Variants in RARA observed in about 807,000 individuals in gnomAD.
The protein encoded by RARA is PML-DDX5-RARA fusion.
RARA carries 5 observed loss-of-function variants against 42.8 expected under a neutral mutation model. The ratio of observed to expected loss-of-function variants is 0.12; its 90% CI spans 0.06 to 0.25. The LOEUF (loss-of-function observed/expected upper bound fraction) is 0.25, where lower values mean the gene tolerates loss of function less well. Ranked by LOEUF, RARA falls within the 10% of genes least tolerant of loss-of-function variation. The pLI is 1.00. For synonymous variants in RARA, 256 were observed against 259.5 expected (o/e 0.99, Z 0.13); for missense variants, 402 against 628.7 (o/e 0.64, Z 3.86).
At chr17:40,342,116 G>A (rs1170334285) in intron 2 of RARA, 2 of 1,050,172 alleles carry the variant, frequency 1.9e-6, no homozygotes, top group African/African-American at 3.3e-5. Flanking sequence ...GAAAGGGGGT[G>A]GTGCCCGGAG....
intron 3 of RARA, 130 bp downstream of exon 3, chr17:40,348,594 G>T: frequency 8.0e-7 from 1 of 1,249,904 alleles, no homozygotes; most frequent in Non-Finnish European, 1.1e-6. Flanking sequence ...GTGGAAGTTG[G>T]CAGCAAGCAG....
intron 1 of RARA, among the ~76,000 whole-genome samples, chr17:40,316,748 T>C (rs955987256): frequency 3.8e-5 from 5 of 132,040 alleles, no homozygotes; most frequent in African/African-American, 1.1e-4. Flanking sequence ...CGTCCACATC[T>C]GGGAGCCATT....
intron 1 of RARA, among the ~76,000 whole-genome samples, chr17:40,319,823 C>T (rs1412062665): frequency 4.5e-5 from 6 of 132,322 alleles, no homozygotes; most frequent in Admixed American, 2.2e-4. Context: ...TGGAGGGGGC[C>T]GGGGGGGGCG....
At chr17:40,319,828 G>T (rs2033325301) in intron 1 of RARA, among the ~76,000 whole-genome samples, 1 of 152,208 alleles carries the variant, frequency 6.6e-6, no homozygotes, top group South Asian at 2.1e-4. Context: ...GGGGCCGGGG[G>T]GGGCGGGTAG....
chr17:40,346,483 A>C (rs374785841), intron 2 of RARA, among the ~76,000 whole-genome samples: 1 of 146,044 alleles, frequency 6.8e-6, no homozygotes, highest in Non-Finnish European at 1.5e-5. Flanking sequence ...GGTCCCCCCA[A>C]CCCTCCACAT....
chr17:40,321,283 G>A (rs1207306353), intron 1 of RARA, among the ~76,000 whole-genome samples: 1 of 152,042 alleles, frequency 6.6e-6, no homozygotes, highest in Non-Finnish European at 1.5e-5. Context: ...GGTGTCTCGG[G>A]TGTGGGTGTC....
chr17:40,352,326 C>T lies in RARA; in HGVS notation c.631-5C>T. 6.3e-7 allele frequency: 1 copy of T among 1,595,012 alleles called. No homozygotes were observed. The highest frequency in any genetic ancestry group is 1.7e-4 in the Middle Eastern group (1 of 5,970). ...AGAAGGCCCTCACTCTCCCTCCTCC[C>T]CCAGAACAACAGCTCAGAACAACGT... On this transcript the variant is annotated splice_polypyrimidine_tract_variant and splice_region_variant and intron_variant, in intron 5 of 8. Transcript: ENST00000254066. The surrounding 1 kb of genome is among the most constrained non-coding windows in gnomAD (Gnocchi z 4.9).
intron 2 of RARA, chr17:40,342,987 T>TA: frequency 6.8e-7 from 1 of 1,468,902 alleles, no homozygotes; most frequent in Non-Finnish European, 9.0e-7. Flanking sequence ...ACCTTTCACT[T>TA]AACCCGTGTT....
chr17:40,328,653 A>T (rs943910185), intron 1 of RARA, among the ~76,000 whole-genome samples: 2 of 152,188 alleles, frequency 1.3e-5, no homozygotes, highest in Non-Finnish European at 2.9e-5. Flanking sequence ...AAATGTGCCT[A>T]TCCTGGATAT....
At position 40,350,204 on chromosome 17, in the gene RARA, G is replaced by A. The variant is rs547579242; in HGVS notation, c.469+279G>A. ...TGGCTGTGTGTGCTTGCGTATGTGT[G>A]TGTGTGTGCATGCTCCAGGATGGCT... is the stretch of plus-strand genomic sequence containing the variant. On this transcript the variant is annotated intron_variant, in intron 4 of 8. Coordinates refer to ENST00000254066, the MANE Select transcript of RARA (RefSeq NM_000964.4). The A allele has an allele frequency of 8.2e-5, 37 of 452,524 alleles. No homozygotes were observed. The South Asian group carries it at 8.4e-4, about 10-fold the overall frequency. 28.0% of individuals were successfully genotyped at this position (452,524 alleles called of 1,614,324 possible).
In RARA at chr17:40,345,684, G is replaced by A. The variant is rs2034242978; in HGVS notation, c.179-2632G>A. On this transcript the variant is annotated intron_variant, in intron 2 of 8. Coordinates refer to ENST00000254066, the MANE Select transcript of RARA (RefSeq NM_000964.4). This position sits in a 1 kb window ranked among gnomAD's most constrained non-coding sequence, Gnocchi z 4.8. Reference sequence around the variant, plus strand: ...TCTAGCCCGAGTCCTTCTGCAGGAAGAGGAGAGATTGGTGGGCTGGGCCTC... The same window carrying A: ...TCTAGCCCGAGTCCTTCTGCAGGAAAAGGAGAGATTGGTGGGCTGGGCCTC... 6.6e-6 allele frequency among the ~76,000 whole-genome samples: 1 copy of A among 152,260 alleles called. No homozygotes were observed. Among genetic ancestry groups the A allele is most frequent in the Non-Finnish European group, 1.5e-5 (1 of 68,050 alleles).
intron 1 of RARA, among the ~76,000 whole-genome samples, chr17:40,318,647 C>T (rs920135998): frequency 1.3e-5 from 2 of 152,252 alleles, no homozygotes; most frequent in African/African-American, 2.4e-5. Flanking sequence ...CTGCCTGCGC[C>T]GTGTCTTCGC....
intron 2 of RARA, chr17:40,341,246 A>T: frequency 2.6e-6 from 3 of 1,138,766 alleles, no homozygotes; most frequent in Non-Finnish European, 3.5e-6. Flanking sequence ...AGGGGCCGGT[A>T]CTGGTTCCCC....
chr17:40,329,398 C>T (rs1225831273), intron 1 of RARA, among the ~76,000 whole-genome samples: 1 of 152,120 alleles, frequency 6.6e-6, no homozygotes, highest in Non-Finnish European at 1.5e-5. Flanking sequence ...CCTCCACCTC[C>T]CTGGTTCAAG....
In RARA at chr17:40,351,020, G is replaced by T. The variant is rs1461287034; in HGVS notation, c.470-890G>T. On this transcript the variant is annotated intron_variant, in intron 4 of 8. Transcript: ENST00000254066. This position sits in a 1 kb window ranked among gnomAD's most constrained non-coding sequence, Gnocchi z 4.1. ...ACCGCCAACTCCCCCTCTCCCGGCT[G>T]CTCTGTGCCCCGGAGCTGAGCAGCT... Among the ~76,000 whole-genome samples, 1 of 151,510 alleles carries T rather than the reference G, an allele frequency of 6.6e-6. No homozygotes were observed. Among genetic ancestry groups the T allele is most frequent in the African/African-American group, 2.4e-5 (1 of 41,178 alleles).
intron 2 of RARA, chr17:40,342,452 TC>T: frequency 8.3e-7 from 1 of 1,211,062 alleles, no homozygotes; most frequent in Non-Finnish European, 1.0e-6. Context: ...CCGCCAGGCT[TC>T]CCTGGGAGAG....
chr17:40,322,777 G>A (rs1270438577), intron 1 of RARA, among the ~76,000 whole-genome samples: 1 of 152,072 alleles, frequency 6.6e-6, no homozygotes, highest in Non-Finnish European at 1.5e-5. Context: ...GGAGAGCCCT[G>A]TCAGTCCTGT....
chr17:40,313,153 G>A (rs1006701242), intron 1 of RARA, among the ~76,000 whole-genome samples: 1 of 152,136 alleles, frequency 6.6e-6, no homozygotes, highest in Non-Finnish European at 1.5e-5. Context: ...CTCACAGGCT[G>A]GTGAGCTGTG....
intron 1 of RARA, among the ~76,000 whole-genome samples, chr17:40,323,749 T>G (rs1598540973): frequency 1.7e-4 from 11 of 64,042 alleles, no homozygotes; most frequent in East Asian, 4.3e-4. Flanking sequence ...GGTCAATGGG[T>G]CGGAGGGGGG....
Sources: allele counts gnomAD v4.1 joint callset (sites outside exome capture counted in the v4.1 genomes callset), GRCh38; gene constraint gnomAD v4.1.1; non-coding constraint Gnocchi (gnomAD v3.1); transcripts MANE v1.5; gene names NCBI Gene and HGNC (gene_info 2026-07-23, HGNC 2026-07-21).